NUFIP1: variants seen among roughly 807,000 people sequenced by gnomAD.
The protein encoded by NUFIP1 is nuclear FMR1 interacting protein 1, also known as FMR1-interacting protein NUFIP1.
A neutral mutation model predicts 56.2 loss-of-function variants in NUFIP1; 38 were observed. The ratio of observed to expected loss-of-function variants is 0.68; its 90% CI spans 0.52 to 0.89. The LOEUF is 0.89. Among genes scored for constraint, NUFIP1 ranks in the 40% least tolerant of loss-of-function variants. The pLI is 0.00. For synonymous variants in NUFIP1, 215 were observed against 212.4 expected, an observed-to-expected ratio of 1.01 and a Z score of -0.10; for missense variants, 567 against 605.8, an observed-to-expected ratio of 0.94 and a Z score of 0.67.
In NUFIP1 at chr13:44,959,482, C is replaced by G. The variant is rs762871277; in HGVS notation, c.920G>C (p.Arg307Thr). The G allele has an allele frequency of 2.2e-4, 349 of 1,614,074 alleles. No individual in the cohort carries two copies. Among genetic ancestry groups the G allele is most frequent in the Non-Finnish European group, 2.8e-4 (335 of 1,180,038 alleles). The change falls in exon 7 of 10, where the codon AGA becomes ACA. Residue 307 changes from arginine (R) to threonine (T), a missense_variant. Physicochemically the swap from Arg to Thr is moderately conservative, Grantham distance 71. Coordinates refer to ENST00000379161, the MANE Select transcript of NUFIP1 (RefSeq NM_012345.3). ...GTGACTGCCTGATCCAGTGACTGCT[C>G]TCTGTCTAGAATTGTCGTTTTTCCA... Reference protein sequence around the residue: ...HKWKNDNSRQRAVTGSGSHLC... With the variant: ...HKWKNDNSRQTAVTGSGSHLC...
At position 44,943,785 on chromosome 13, in the gene NUFIP1, C is replaced by T; in HGVS notation, c.1139-111G>A. On this transcript the variant is annotated intron_variant, in intron 8 of 9. Coordinates refer to ENST00000379161, the MANE Select transcript of NUFIP1 (RefSeq NM_012345.3). ...TAATCCTCCTAGCCATAATATTGTT[C>T]ACTTAATAACTTAAAACTATGAAAG... is the stretch of plus-strand genomic sequence containing the variant. 1.0e-5 allele frequency: 8 copies of T among 769,742 alleles called. No homozygotes were observed. In the South Asian group the frequency reaches 1.5e-4, roughly 14 times the overall value. The allele number at this position is 769,742 out of a possible 1,614,324, so 47.7% of individuals were successfully genotyped here.
At position 44,979,262 on chromosome 13, in the gene NUFIP1, T is replaced by C. The variant is rs1566064128; in HGVS notation, c.662A>G (p.His221Arg). The C allele has an allele frequency of 1.9e-6, 3 of 1,613,058 alleles. No homozygotes were observed. The highest frequency in any genetic ancestry group is 1.3e-5 in the African/African-American group (1 of 75,014). ...KIVQFHWRNMHAPGMKKIKLD... is the reference protein window; with the variant it reads ...KIVQFHWRNMRAPGMKKIKLD... ...CTTGATCTTCTTCATGCCAGGAGCA[T>C]GCATCTAGGGGGAAAAAGCCTGCTG... Residue 221 changes from histidine to arginine, a missense_variant, in exon 5 of 10, where the codon CAT (histidine) becomes CGT (arginine). Physicochemically the swap from His to Arg is conservative, Grantham distance 29. Coordinates refer to ENST00000379161, the MANE Select transcript of NUFIP1 (RefSeq NM_012345.3).
chr13:44,947,513 G>A (rs779870470), intron 8 of NUFIP1, among the ~76,000 whole-genome samples: 6 of 151,900 alleles, frequency 3.9e-5, no homozygotes, highest in Non-Finnish European at 8.8e-5. Context: ...TGCTGGGATT[G>A]CAGACATGAG....
intron 5 of NUFIP1, 41 bp from the exon 6 acceptor site, chr13:44,965,977 G>A: frequency 8.2e-7 from 1 of 1,217,252 alleles, no homozygotes; most frequent in Non-Finnish European, 1.1e-6. Context: ...GGCTTTTAGA[G>A]TACAATTTTA....
chr13:44,975,837 T>C (rs369138948), intron 5 of NUFIP1, among the ~76,000 whole-genome samples: 95 of 152,346 alleles, frequency 6.2e-4, no homozygotes, highest in African/African-American at 2.2e-3. Flanking sequence ...ATTAATTTAA[T>C]AGCAGTTCCA....
intron 7 of NUFIP1, among the ~76,000 whole-genome samples, chr13:44,952,784 C>CT (rs1261042981): frequency 6.6e-6 from 1 of 152,160 alleles, no homozygotes; most frequent in Non-Finnish European, 1.5e-5. Context: ...CACTAACGTC[C>CT]TTTTTTCTGT....
intron 1 of NUFIP1, among the ~76,000 whole-genome samples, chr13:44,988,341 ACTCGGGAGG>A (rs1322181059): frequency 6.6e-6 from 1 of 151,652 alleles, no homozygotes; most frequent in East Asian, 1.9e-4. Flanking sequence ...AATTGCTTGA[ACTCGGGAGG>A]CAGAGGTTGC....
rs1319808820 is a variant in NUFIP1 at position 44,982,060 on chromosome 13, T to C, written c.495+12A>G. The C allele has an allele frequency of 1.4e-6, 2 of 1,439,238 alleles. No individual in the cohort carries two copies. The highest frequency in any genetic ancestry group is 9.3e-7 in the Non-Finnish European group (1 of 1,080,342). 89.2% of individuals were successfully genotyped at this position (1,439,238 alleles called of 1,614,324 possible). A position where few individuals can be genotyped will look rare whatever the true frequency, so the allele number is the denominator to read the frequency against. ...GACCAAGGGGTCAAATTCAAGAACA[T>C]CTTTCAAATACCTTTTTTTTCTGTT... is the stretch of plus-strand genomic sequence containing the variant. On this transcript the variant is annotated intron_variant, in intron 2 of 9. Transcript: ENST00000379161.
chr13:44,965,288 G>A (rs879007653), intron 6 of NUFIP1, among the ~76,000 whole-genome samples: 1 of 152,230 alleles, frequency 6.6e-6, no homozygotes, highest in African/African-American at 2.4e-5. Context: ...GGAACTGTAA[G>A]TCCAGTTAAA....
In NUFIP1 at chr13:44,965,894, T is replaced by C. The variant is rs1409819818; in HGVS notation, c.777A>G (p.Leu259=). ...CTCCTCTCTTCTCCTTTTCAAGTTTTAACTTCTTCTTCCTTTCAATATTGG... is the reference window on the plus strand; with the variant it reads ...CTCCTCTCTTCTCCTTTTCAAGTTTCAACTTCTTCTTCCTTTCAATATTGG... ...TLANIERKKK[L]KLEKEKRGAV... The change falls in exon 6 of 10, where the codon TTA becomes TTG. Residue 259 remains leucine, a synonymous_variant. Transcript: ENST00000379161. The C allele has an allele frequency of 6.2e-7, 1 of 1,603,200 alleles. No homozygotes were observed. Among genetic ancestry groups the C allele is most frequent in the Non-Finnish European group, 8.5e-7 (1 of 1,176,134 alleles).
At chr13:44,969,707 A>C (rs1871738691) in intron 5 of NUFIP1, among the ~76,000 whole-genome samples, 1 of 152,112 alleles carries the variant, frequency 6.6e-6, no homozygotes, top group Non-Finnish European at 1.5e-5. Flanking sequence ...CTCCAGTGAC[A>C]ATCTTTAAGC....
In NUFIP1 at chr13:44,980,778, C is replaced by T. The variant is rs145190177; in HGVS notation, c.538G>A (p.Asp180Asn). The T allele has an allele frequency of 6.2e-7, 1 of 1,604,434 alleles. No homozygotes were observed. The highest frequency in any genetic ancestry group is 1.3e-5 in the African/African-American group (1 of 74,454). The change falls in exon 3 of 10, where the codon GAT becomes AAT. Residue 180 changes from aspartate (D) to asparagine (N), a missense_variant. Transcript: ENST00000379161. ...PVFHFFCDTC[D>N]RGFKNQEKYD... Reference sequence around the variant, plus strand: ...TTTTCTTGATTTTTAAAACCACGATCACAGGTATCACAAAAAAAGTGAAAA... The same window carrying T: ...TTTTCTTGATTTTTAAAACCACGATTACAGGTATCACAAAAAAAGTGAAAA...
At chr13:44,982,565 T>G (rs1010563329) in intron 1 of NUFIP1, among the ~76,000 whole-genome samples, 2 of 152,074 alleles carry the variant, frequency 1.3e-5, no homozygotes, top group Admixed American at 1.3e-4. Flanking sequence ...CCATTCTTAT[T>G]ACCATGCCCC....
In NUFIP1 at chr13:44,979,248, T is replaced by C; in HGVS notation, c.676A>G (p.Lys226Glu). The C allele has an allele frequency of 6.2e-7, 1 of 1,613,570 alleles. No individual in the cohort carries two copies. The highest frequency in any genetic ancestry group is 2.2e-5 in the East Asian group (1 of 44,844). ...TCTGGAGTGTCTAACTTGATCTTCT[T>C]CATGCCAGGAGCATGCATCTAGGGG... is the stretch of plus-strand genomic sequence containing the variant. ...HWRNMHAPGM[K>E]KIKLDTPEEI... The change falls in exon 5 of 10, where the codon AAG (lysine) becomes GAG (glutamate). Residue 226 changes from lysine (K) to glutamate (E), a missense_variant. Lys to Glu is a moderately conservative substitution (Grantham distance 56, BLOSUM62 1). Coordinates refer to ENST00000379161, the MANE Select transcript of NUFIP1 (RefSeq NM_012345.3).
At chr13:44,983,164 C>T (rs868275803) in intron 1 of NUFIP1, among the ~76,000 whole-genome samples, 1 of 151,832 alleles carries the variant, frequency 6.6e-6, no homozygotes, top group Admixed American at 6.6e-5. Context: ...GACCCTGTCT[C>T]TTATTTTATT....
At chr13:44,948,965 A>G (rs1216466585) in intron 8 of NUFIP1, among the ~76,000 whole-genome samples, 2 of 152,210 alleles carry the variant, frequency 1.3e-5, no homozygotes, top group Non-Finnish European at 2.9e-5. Flanking sequence ...GAGATAATTT[A>G]TGTAAATATG....
intron 8 of NUFIP1, among the ~76,000 whole-genome samples, chr13:44,947,179 AAG>A (rs754047630): frequency 4.5e-4 from 68 of 152,006 alleles, no homozygotes; most frequent in Non-Finnish European, 7.6e-4. Context: ...TCGGACTTTT[AAG>A]ACTCCAAACC....
chr13:44,959,264 T>C, intron 7 of NUFIP1, 117 bp downstream of exon 7: 1 of 918,884 alleles, frequency 1.1e-6, no homozygotes. Flanking sequence ...AACAAAAGCA[T>C]CATTCTGCAT....
At chr13:44,956,970 C>T (rs1487718305) in intron 7 of NUFIP1, among the ~76,000 whole-genome samples, 1 of 152,106 alleles carries the variant, frequency 6.6e-6, no homozygotes, top group African/African-American at 2.4e-5. Context: ...TTCCTACAAA[C>T]TTAAGCTACC....
Sources: allele counts gnomAD v4.1 joint callset (sites outside exome capture counted in the v4.1 genomes callset), GRCh38; gene constraint gnomAD v4.1.1; transcripts MANE v1.5; gene names NCBI Gene and HGNC (gene_info 2026-07-23, HGNC 2026-07-21).